Variants in INTS3 observed in about 807,000 individuals in gnomAD.
INTS3 encodes SOSS complex subunit A.
Under a neutral mutation model 146.3 loss-of-function variants are expected in INTS3, and 34 were observed. That is an observed-to-expected ratio of 0.23 (90% CI 0.18 to 0.31). INTS3 has a LOEUF of 0.31. INTS3 is among the 10% of genes least tolerant of loss of function. The pLI is 1.00. For missense variants in INTS3, 757 were observed against 1,304.2 expected, an observed-to-expected ratio of 0.58 and a Z score of 6.46; for synonymous variants, 475 against 494.9, an observed-to-expected ratio of 0.96 and a Z score of 0.53.
Position 153,738,677 on chromosome 1 carries a change from T to A in INTS3, c.151-1974T>A, listed in dbSNP as rs113958806. ...TAATAAGTATTTTGAATCTATGTAA[T>A]TATCTTCTTTCTCTGAAAAGTTTCA... On this transcript the variant is annotated intron_variant, in intron 1 of 29. Transcript: ENST00000318967. Among the ~76,000 whole-genome samples the A allele has an allele frequency of 4.0e-3, 609 of 152,340 alleles. 8 individuals are homozygous for A. Among genetic ancestry groups the A allele is most frequent in the African/African-American group, 0.014 (587 of 41,578 alleles).
At chr1:153,760,585 G>T (rs1362577446) in intron 12 of INTS3, 195 bp downstream of exon 12, 5 of 627,176 alleles carry the variant, frequency 8.0e-6, no homozygotes, top group African/African-American at 3.7e-5. Flanking sequence ...CCCATTTTCT[G>T]TGGGGTTTCT....
intron 10 of INTS3, among the ~76,000 whole-genome samples, 178 bp from the exon 11 acceptor site, chr1:153,759,348 A>G (rs1283442187): frequency 6.6e-6 from 1 of 151,982 alleles, no homozygotes; most frequent in African/African-American, 2.4e-5. Context: ...AGACCATAAG[A>G]CCACAGAGTA....
chr1:153,770,324 T>C lies in INTS3; in HGVS notation c.2503+13T>C. ...CTCAAATACAAGGGTGAGTAGGCTTTTGGGTAGGGAGCACATCAGATATGA... is the reference window on the plus strand; with the variant it reads ...CTCAAATACAAGGGTGAGTAGGCTTCTGGGTAGGGAGCACATCAGATATGA... On this transcript the variant is annotated intron_variant, in intron 24 of 29. Transcript: ENST00000318967. 1 of 1,484,436 alleles carries C rather than the reference T, an allele frequency of 6.7e-7. No homozygotes were observed. The highest frequency in any genetic ancestry group is 9.4e-7 in the Non-Finnish European group (1 of 1,061,684). The allele number at this position is 1,484,436 out of a possible 1,614,324, so 92.0% of individuals were successfully genotyped here.
intron 1 of INTS3, among the ~76,000 whole-genome samples, chr1:153,729,841 A>T (rs1483337181): frequency 6.9e-6 from 1 of 145,670 alleles, no homozygotes; most frequent in African/African-American, 2.6e-5. Context: ...CTCCAGCCTG[A>T]CGACAGAGCG....
At chr1:153,771,451 AGG>A (rs1232262643) in intron 25 of INTS3, among the ~76,000 whole-genome samples, 2 of 151,726 alleles carry the variant, frequency 1.3e-5, no homozygotes, top group Non-Finnish European at 2.9e-5. Context: ...CAGCTTTAGC[AGG>A]GTAGGGGTAG....
Position 153,751,185 on chromosome 1 carries a change from C to G in INTS3, c.675C>G (p.Leu225=). Residue 225 remains leucine, a synonymous_variant, in exon 7 of 30, where the codon CTC becomes CTG. Coordinates refer to ENST00000318967, the MANE Select transcript of INTS3 (RefSeq NM_023015.5). ...TGGACCACCATGGGACTGCCCAGCTCCAGGCCCTGCGACAGAAGGAAGTAG... is the reference window on the plus strand; with the variant it reads ...TGGACCACCATGGGACTGCCCAGCTGCAGGCCCTGCGACAGAAGGAAGTAG... ...LIVDHHGTAQ[L]QALRQKEVDF... 1.9e-6 allele frequency: 3 copies of G among 1,614,192 alleles called. No individual in the cohort carries two copies. Among genetic ancestry groups the G allele is most frequent in the Non-Finnish European group, 2.5e-6 (3 of 1,180,032 alleles).
chr1:153,745,191 C>T (rs1671681526), intron 3 of INTS3, among the ~76,000 whole-genome samples: 2 of 142,132 alleles, frequency 1.4e-5, no homozygotes, highest in Non-Finnish European at 3.0e-5. Flanking sequence ...CAGGGTGTCT[C>T]TGTCACCCAG....
rs1404500417 is a variant in INTS3 at position 153,774,437 on chromosome 1, C to G, written c.*1167C>G. On this transcript the variant is annotated 3_prime_UTR_variant, in exon 30 of 30. Coordinates refer to ENST00000318967, the MANE Select transcript of INTS3 (RefSeq NM_023015.5). Reference sequence around the variant, plus strand: ...TCGCTGCTTGACGGGAGGGATGCTCCAGCTTGGTCTCCAGGGACAACTGTA... The same window carrying G: ...TCGCTGCTTGACGGGAGGGATGCTCGAGCTTGGTCTCCAGGGACAACTGTA... 1 of 152,214 alleles carries G rather than the reference C, an allele frequency of 6.6e-6. No homozygotes were observed. Among genetic ancestry groups the G allele is most frequent in the Admixed American group, 6.5e-5 (1 of 15,276 alleles). The allele number at this position is 152,214 out of a possible 1,614,324, so 9.4% of individuals were successfully genotyped here. A position where few individuals can be genotyped will look rare whatever the true frequency, so the allele number is the denominator to read the frequency against.
chr1:153,749,670 G>A (rs950920946), intron 6 of INTS3, among the ~76,000 whole-genome samples: 1 of 152,206 alleles, frequency 6.6e-6, no homozygotes, highest in Admixed American at 6.5e-5. Flanking sequence ...GCACTAGCAC[G>A]TGAGATCCTA....
Position 153,773,965 on chromosome 1 carries a change from T to A in INTS3, c.*695T>A, listed in dbSNP as rs1673022992. 1 of 166,714 alleles carries A rather than the reference T, an allele frequency of 6.0e-6. No individual in the cohort carries two copies. Among genetic ancestry groups the A allele is most frequent in the African/African-American group, 2.4e-5 (1 of 41,354 alleles). The allele number at this position is 166,714 out of a possible 1,614,324, so 10.3% of individuals were successfully genotyped here. A position where few individuals can be genotyped will look rare whatever the true frequency, so the allele number is the denominator to read the frequency against. The stretch of plus-strand genomic sequence containing the variant: ...AGGCAAGTTTCACAGAATTGTCAAA[T>A]GATCCCATTTCCTTGAGTCTGTTTT... On this transcript the variant is annotated 3_prime_UTR_variant, in exon 30 of 30. Transcript: ENST00000318967.
chr1:153,761,231 CCAGA>C, intron 13 of INTS3: 1 of 557,910 alleles, frequency 1.8e-6, no homozygotes. Flanking sequence ...GAAGCTCTGG[CCAGA>C]CACAGTGGCT....
Position 153,757,881 on chromosome 1 carries a change from T to G in INTS3, c.1149+118T>G. On this transcript the variant is annotated intron_variant, in intron 10 of 29. Coordinates refer to ENST00000318967, the MANE Select transcript of INTS3 (RefSeq NM_023015.5). The surrounding 1 kb of genome is among the most constrained non-coding windows in gnomAD (Gnocchi z 4.0). ...CCTAAGGGCCCTTCTTTCACTCTGG[T>G]CTTCCAGAGTGTCTCAGCCTTCACT... The G allele has an allele frequency of 1.4e-6, 1 of 712,732 alleles. No homozygotes were observed. The highest frequency in any genetic ancestry group is 2.7e-5 in the Admixed American group (1 of 37,626). 44.2% of individuals were successfully genotyped at this position (712,732 alleles called of 1,614,324 possible). A position where few individuals can be genotyped will look rare whatever the true frequency, so the allele number is the denominator to read the frequency against.
At chr1:153,756,645 G>T (rs931356368) in intron 9 of INTS3, among the ~76,000 whole-genome samples, 1 of 151,600 alleles carries the variant, frequency 6.6e-6, no homozygotes, top group African/African-American at 2.4e-5. Flanking sequence ...GTGAAACCCC[G>T]TCTCTACTAA....
chr1:153,770,233 T>G lies in INTS3; in HGVS notation c.2425T>G (p.Cys809Gly). Reference sequence around the variant, plus strand: ...AGACTGGGAGACCTTTGAGCAGTATTGTGCCTGGCAGCTCTTTCTGGCCCA... The same window carrying G: ...AGACTGGGAGACCTTTGAGCAGTATGGTGCCTGGCAGCTCTTTCTGGCCCA... ...SLDWETFEQY[C>G]AWQLFLAHNI... Residue 809 changes from cysteine (C) to glycine (G), a missense_variant, in exon 24 of 30, where the codon TGT (cysteine) becomes GGT (glycine). Transcript: ENST00000318967. 1 of 1,613,322 alleles carries G rather than the reference T, an allele frequency of 6.2e-7. No homozygotes were observed. Among genetic ancestry groups the G allele is most frequent in the Non-Finnish European group, 8.5e-7 (1 of 1,179,486 alleles).
intron 1 of INTS3, among the ~76,000 whole-genome samples, chr1:153,737,463 T>C (rs1671345511): frequency 6.6e-6 from 1 of 152,230 alleles, no homozygotes. Context: ...TTGGGTAGGC[T>C]TTAATGCAGC....
At position 153,772,433 on chromosome 1, in the gene INTS3, G is replaced by A. The variant is rs751828667; in HGVS notation, c.2814G>A (p.Lys938=). Residue 938 remains lysine (K), a synonymous_variant, in exon 27 of 30, where the codon AAG becomes AAA. Coordinates refer to ENST00000318967, the MANE Select transcript of INTS3 (RefSeq NM_023015.5). This position sits in a 1 kb window ranked among gnomAD's most constrained non-coding sequence, Gnocchi z 4.6. ...DNLRLNLTNT[K]QNFFSQTPIL... is the part of the protein sequence containing the mutation. ...TGCGGCTCAACCTGACCAACACCAAGCAGAACTGTATGCCTTCCACCCTCG... is the reference window on the plus strand; with the variant it reads ...TGCGGCTCAACCTGACCAACACCAAACAGAACTGTATGCCTTCCACCCTCG... 6.2e-7 allele frequency: 1 copy of A among 1,614,192 alleles called. No homozygotes were observed. The highest frequency in any genetic ancestry group is 1.7e-5 in the Admixed American group (1 of 60,020).
intron 25 of INTS3, 67 bp downstream of exon 25, chr1:153,770,800 G>A: frequency 1.6e-6 from 2 of 1,280,756 alleles, no homozygotes; most frequent in Admixed American, 3.4e-5. Context: ...GTGGTCTAAA[G>A]GGCTTCTGTC....
At chr1:153,765,115 C>G in intron 20 of INTS3, 52 bp downstream of exon 20, 2 of 1,601,644 alleles carry the variant, frequency 1.2e-6, no homozygotes, top group Non-Finnish European at 8.5e-7. Flanking sequence ...CCTGGAGAGC[C>G]TCTCTTCCAC....
rs1367945834 is a variant in INTS3, at chr1:153,771,803, G to A, written c.2560G>A (p.Glu854Lys). The change falls in exon 26 of 30, where the codon GAG becomes AAG. Residue 854 changes from glutamate (E) to lysine (K), a missense_variant. This residue lies in a region of INTS3 where 116 missense variants were observed against 226.5 expected (regional missense o/e 0.51). Coordinates refer to ENST00000318967, the MANE Select transcript of INTS3 (RefSeq NM_023015.5). ...GCCCCCTTCCTCCCCCAGGCCCAGC[G>A]AGGAGATGGTGAAGATGGTGCTGAG... ...LLQLRREKPS[E>K]EMVKMVLSRP... 21 of 1,611,566 alleles carry A rather than the reference G, an allele frequency of 1.3e-5. No homozygotes were observed. The highest frequency in any genetic ancestry group is 6.7e-5 in the Admixed American group (4 of 59,904).
Sources: allele counts gnomAD v4.1 joint callset (sites outside exome capture counted in the v4.1 genomes callset), GRCh38; gene constraint gnomAD v4.1.1; regional missense constraint gnomAD v4.1.1; non-coding constraint Gnocchi (gnomAD v3.1); transcripts MANE v1.5; gene names NCBI Gene and HGNC (gene_info 2026-07-23, HGNC 2026-07-21).